UTP25: variants seen among roughly 807,000 people sequenced by gnomAD.
The protein encoded by UTP25 is U3 small nucleolar RNA-associated protein 25 homolog.
A neutral mutation model predicts 78.9 loss-of-function variants in UTP25; 50 were observed. The observed-to-expected ratio is 0.63, with a 90% CI of 0.50 to 0.80. UTP25 has a LOEUF of 0.80. UTP25 is among the 30% of genes least tolerant of loss of function. The pLI is 0.00. For synonymous variants in UTP25, 329 were observed against 336.5 expected (o/e 0.98, Z 0.24); for missense variants, 846 against 911.3 (o/e 0.93, Z 0.92).
Position 209,854,451 on chromosome 1 carries a change from C to CAA in UTP25, c.*3006_*3007dup, listed in dbSNP as rs2078259964. 6.6e-6 allele frequency: 1 copy of CAA among 152,158 alleles called. No individual in the cohort carries two copies. 9.4% of individuals were successfully genotyped at this position (152,158 alleles called of 1,614,324 possible). A position where few individuals can be genotyped will look rare whatever the true frequency, so the allele number is the denominator to read the frequency against. ...AGCTAAACAGCCCTCTGCTTGCTTCCAAAGGGCTTATAATTGAGCACAGAT... is the reference window on the plus strand; with the variant it reads ...AGCTAAACAGCCCTCTGCTTGCTTCCAAAAAGGGCTTATAATTGAGCACAGAT... On this transcript the variant is annotated 3_prime_UTR_variant, in exon 12 of 12. Coordinates refer to ENST00000491415, the MANE Select transcript of UTP25 (RefSeq NM_014388.7).
rs200728349 is a variant in UTP25 at position 209,838,930 on chromosome 1, C to T, written c.1084C>T (p.Arg362Trp). The T allele has an allele frequency of 5.6e-6, 9 of 1,613,958 alleles. No individual in the cohort carries two copies. The highest frequency in any genetic ancestry group is 3.4e-6 in the Non-Finnish European group (4 of 1,179,984). Residue 362 changes from arginine to tryptophan, a missense_variant, in exon 7 of 12, where the codon CGG (arginine) becomes TGG (tryptophan). Coordinates refer to ENST00000491415, the MANE Select transcript of UTP25 (RefSeq NM_014388.7). ...RPKVLIVVPF[R>W]EAALRVVQLF... Reference sequence around the variant, plus strand: ...ACAGGTACTGATAGTGGTGCCATTCCGGGAAGCTGCTTTGCGGGTGGTGCA... The same window carrying T: ...ACAGGTACTGATAGTGGTGCCATTCTGGGAAGCTGCTTTGCGGGTGGTGCA...
At chr1:209,843,322 T>C in intron 10 of UTP25, 129 bp from the exon 11 acceptor site, 7 of 1,083,250 alleles carry the variant, frequency 6.5e-6, no homozygotes, top group Non-Finnish European at 9.1e-6. Context: ...TGAGAGGAGG[T>C]AAATCATATT....
intron 3 of UTP25, 87 bp downstream of exon 3, chr1:209,831,130 G>A (rs1368840617): frequency 7.1e-5 from 101 of 1,414,598 alleles, no homozygotes; most frequent in Non-Finnish European, 9.5e-5. Context: ...TACTGTGTGA[G>A]TTGGATGAAA....
rs941639673 is a variant in UTP25, at chr1:209,828,190, G to A, written c.107+20G>A. 2 of 1,589,064 alleles carry A rather than the reference G, an allele frequency of 1.3e-6. No individual in the cohort carries two copies. The highest frequency in any genetic ancestry group is 1.7e-6 in the Non-Finnish European group (2 of 1,157,408). Reference sequence around the variant, plus strand: ...TGACAGGTCTGAAGGGGCGTGGCAGGGCTCCCCAGTCGCCAGAGATGTATC... The same window carrying A: ...TGACAGGTCTGAAGGGGCGTGGCAGAGCTCCCCAGTCGCCAGAGATGTATC... On this transcript the variant is annotated intron_variant, in intron 1 of 11. Transcript: ENST00000491415.
At chr1:209,836,096 A>G (rs535111184) in intron 5 of UTP25, among the ~76,000 whole-genome samples, 1 of 151,954 alleles carries the variant, frequency 6.6e-6, no homozygotes, top group African/African-American at 2.4e-5. Context: ...CTCCATTTCT[A>G]TAATTTTGTC....
At position 209,854,007 on chromosome 1, in the gene UTP25, T is replaced by C. The variant is rs573087893; in HGVS notation, c.*2560T>C. Reference sequence around the variant, plus strand: ...AGTTAGCCCTGGCTCCTTAGTGCATTGCAGAGTGGAGTCTCTGCAATGGTT... The same window carrying C: ...AGTTAGCCCTGGCTCCTTAGTGCATCGCAGAGTGGAGTCTCTGCAATGGTT... On this transcript the variant is annotated 3_prime_UTR_variant, in exon 12 of 12. Coordinates refer to ENST00000491415, the MANE Select transcript of UTP25 (RefSeq NM_014388.7). 28 of 152,332 alleles carry C rather than the reference T, an allele frequency of 1.8e-4. No homozygotes were observed. The highest frequency in any genetic ancestry group is 6.7e-4 in the African/African-American group (28 of 41,576). 9.4% of individuals were successfully genotyped at this position (152,332 alleles called of 1,614,324 possible). A position where few individuals can be genotyped will look rare whatever the true frequency, so the allele number is the denominator to read the frequency against.
rs963942737 is a variant in UTP25, at chr1:209,843,260, G to A, written c.1782-191G>A. Reference sequence around the variant, plus strand: ...TCTGTTTTTTACAATGAATAGTGTTGACACTTATTTTTTTAGTGTGCTTAT... The same window carrying A: ...TCTGTTTTTTACAATGAATAGTGTTAACACTTATTTTTTTAGTGTGCTTAT... On this transcript the variant is annotated intron_variant, in intron 10 of 11. Coordinates refer to ENST00000491415, the MANE Select transcript of UTP25 (RefSeq NM_014388.7). 1.7e-5 allele frequency: 11 copies of A among 652,200 alleles called. No individual in the cohort carries two copies. In the African/African-American group the frequency reaches 2.0e-4, roughly 12 times the overall value. The allele number at this position is 652,200 out of a possible 1,614,324, so 40.4% of individuals were successfully genotyped here.
rs527246443 is a variant in UTP25 at position 209,840,933 on chromosome 1, T to C, written c.1363T>C (p.Leu455=). The C allele has an allele frequency of 5.6e-6, 9 of 1,614,050 alleles. No individual in the cohort carries two copies. The highest frequency in any genetic ancestry group is 1.3e-5 in the African/African-American group (1 of 75,052). The part of the protein sequence containing the change: ...SDILIASPLG[L]RTIIGGEGEK... ...TATCCTCATTGCTTCCCCCCTGGGC[T>C]TGAGGACCATCATTGGTGGAGAAGG... The change falls in exon 8 of 12, where the codon TTG becomes CTG. Residue 455 remains leucine, a synonymous_variant. Transcript: ENST00000491415.
At chr1:209,848,767 C>T (rs918346898) in intron 11 of UTP25, among the ~76,000 whole-genome samples, 1 of 152,198 alleles carries the variant, frequency 6.6e-6, no homozygotes, top group Non-Finnish European at 1.5e-5. Context: ...AATGATACCT[C>T]ATTGTTTGGA....
At chr1:209,842,191 G>T in intron 8 of UTP25, 74 bp from the exon 9 acceptor site, 1 of 1,479,436 alleles carries the variant, frequency 6.8e-7, no homozygotes, top group South Asian at 1.2e-5. Flanking sequence ...TGATAGACTC[G>T]GAAAATGTTT....
intron 1 of UTP25, among the ~76,000 whole-genome samples, chr1:209,828,919 C>T (rs1656566502): frequency 6.6e-6 from 1 of 151,818 alleles, no homozygotes; most frequent in African/African-American, 2.4e-5. Context: ...ATTACAGGCG[C>T]CCGCCATCAC....
chr1:209,836,644 A>G (rs2078134625), intron 5 of UTP25, among the ~76,000 whole-genome samples, 157 bp from the exon 6 acceptor site: 1 of 152,228 alleles, frequency 6.6e-6, no homozygotes, highest in African/African-American at 2.4e-5. Flanking sequence ...TTCCTAAACT[A>G]TAACATGAGT....
intron 11 of UTP25, among the ~76,000 whole-genome samples, chr1:209,845,967 G>A (rs1340865717): frequency 3.3e-5 from 5 of 150,300 alleles, no homozygotes; most frequent in African/African-American, 9.8e-5. Context: ...AGCAATTCTC[G>A]TGACTCAGCC....
chr1:209,849,800 C>T (rs1281671951), intron 11 of UTP25, among the ~76,000 whole-genome samples: 2 of 152,204 alleles, frequency 1.3e-5, no homozygotes, highest in Admixed American at 1.3e-4. Flanking sequence ...TTCTTACTAC[C>T]CACTTTTTTG....
At chr1:209,844,001 A>C (rs1044794830) in intron 11 of UTP25, 4 of 283,878 alleles carry the variant, frequency 1.4e-5, no homozygotes, top group Non-Finnish European at 2.7e-5. Context: ...AAATGAATAC[A>C]AGGAAGGGGA....
At position 209,852,609 on chromosome 1, in the gene UTP25, C is replaced by T. The variant is rs1230082626; in HGVS notation, c.*1162C>T. 1 of 152,150 alleles carries T rather than the reference C, an allele frequency of 6.6e-6. No individual in the cohort carries two copies. Among genetic ancestry groups the T allele is most frequent in the Non-Finnish European group, 1.5e-5 (1 of 68,032 alleles). 9.4% of individuals were successfully genotyped at this position (152,150 alleles called of 1,614,324 possible). A position where few individuals can be genotyped will look rare whatever the true frequency, so the allele number is the denominator to read the frequency against. On this transcript the variant is annotated 3_prime_UTR_variant, in exon 12 of 12. Transcript: ENST00000491415. ...TAGCCCCTGTGTACTTTTGACATGT[C>T]CCCCATCTACTTGGGCACTGCTGTA...
Position 209,851,360 on chromosome 1 carries a change from G to A in UTP25, c.2184G>A (p.Arg728=). 1 of 1,614,198 alleles carries A rather than the reference G, an allele frequency of 6.2e-7. No individual in the cohort carries two copies. Among genetic ancestry groups the A allele is most frequent in the Non-Finnish European group, 8.5e-7 (1 of 1,180,036 alleles). The change falls in exon 12 of 12, where the codon AGG becomes AGA. Residue 728 remains arginine, a synonymous_variant. Coordinates refer to ENST00000491415, the MANE Select transcript of UTP25 (RefSeq NM_014388.7). ...TCTACTCCAAATATGATGCCCAGAG[G>A]TTAGCTGCCGTGGTTGGTGTGGAGC... ...TVLYSKYDAQ[R]LAAVVGVERA...
At chr1:209,851,156 G>A in intron 11 of UTP25, 48 bp from the exon 12 acceptor site, 4 of 1,573,610 alleles carry the variant, frequency 2.5e-6, no homozygotes, top group Non-Finnish European at 3.4e-6. Context: ...AGTTTTTCTA[G>A]AACTTGTTTC....
intron 6 of UTP25, among the ~76,000 whole-genome samples, chr1:209,838,019 C>A (rs2078144058): frequency 1.3e-5 from 2 of 152,198 alleles, no homozygotes; most frequent in South Asian, 4.1e-4. Flanking sequence ...AGCCCCGACG[C>A]TTACTGTCAC....
Sources: gnomAD v4.1 joint callset for allele counts (sites outside exome capture counted in the v4.1 genomes callset) on GRCh38, gnomAD v4.1.1 for gene constraint, MANE v1.5 for transcripts, NCBI Gene and HGNC (gene_info 2026-07-23, HGNC 2026-07-21) for gene names.